Variants in LYPD6 observed in about 807,000 individuals in gnomAD.
LYPD6 encodes LY6/PLAUR domain containing 6, also known as ly6/PLAUR domain-containing protein 6.
LYPD6 carries 15 observed loss-of-function variants against 22.7 expected under a neutral mutation model. That is an observed-to-expected ratio of 0.66 (90% confidence interval 0.44 to 1.02). The LOEUF is 1.02. Ranked by LOEUF, LYPD6 falls within the 50% of genes least tolerant of loss-of-function variation. LYPD6 has a pLI of 0.00. For synonymous variants in LYPD6, 72 were observed against 77.5 expected, an observed-to-expected ratio of 0.93 and a Z score of 0.37; for missense variants, 189 against 208.4, an observed-to-expected ratio of 0.91 and a Z score of 0.57.
At chr2:149,398,413 TTGTGTGTG>T (rs10584410) in intron 1 of LYPD6, among the ~76,000 whole-genome samples, 1,560 of 147,816 alleles carry the variant, frequency 0.011, 19 homozygotes, top group African/African-American at 0.032. Context: ...AAAGATGGCT[TTGTGTGTG>T]TGTGTGTGTG....
At position 149,426,234 on chromosome 2, in the gene LYPD6, G is replaced by A. The variant is rs549439717; in HGVS notation, c.-71-11404G>A. ...CACACCTACCAGATTAGTAATTACA[G>A]CTCTTTCTTGAACTTAAATTATTTC... is the stretch of plus-strand genomic sequence containing the variant. On this transcript the variant is annotated intron_variant, in intron 1 of 4. Transcript: ENST00000334166. Among the ~76,000 whole-genome samples, 24 of 152,278 alleles carry A rather than the reference G, an allele frequency of 1.6e-4. No individual in the cohort carries two copies. In the East Asian group the frequency reaches 4.6e-3, roughly 29 times the overall value.
At chr2:149,346,188 AG>A (rs1315822923) in intron 1 of LYPD6, among the ~76,000 whole-genome samples, 5 of 152,230 alleles carry the variant, frequency 3.3e-5, no homozygotes, top group Non-Finnish European at 5.9e-5. Context: ...TTTTAAAAAC[AG>A]TTAAAAAATA....
chr2:149,363,060 C>G (rs1681600254), intron 1 of LYPD6, among the ~76,000 whole-genome samples: 1 of 152,126 alleles, frequency 6.6e-6, no homozygotes, highest in Non-Finnish European at 1.5e-5. Context: ...GTCAGAGAGA[C>G]CGTCCTGCTA....
intron 1 of LYPD6, among the ~76,000 whole-genome samples, chr2:149,332,882 A>C (rs1192194037): frequency 6.6e-6 from 1 of 152,226 alleles, no homozygotes; most frequent in East Asian, 1.9e-4. Context: ...TTTCAAAGAG[A>C]TACGTTATTT....
chr2:149,411,940 C>CT (rs56741012), intron 1 of LYPD6, among the ~76,000 whole-genome samples: 3 of 152,206 alleles, frequency 2.0e-5, no homozygotes, highest in South Asian at 2.1e-4. Context: ...TTGTTTGCAT[C>CT]TTTTTTTCTC....
intron 1 of LYPD6, among the ~76,000 whole-genome samples, chr2:149,385,297 A>T (rs978142271): frequency 6.6e-6 from 1 of 152,110 alleles, no homozygotes; most frequent in Admixed American, 6.6e-5. Flanking sequence ...TCTATTTAAC[A>T]TGTGGCATTC....
chr2:149,387,082 C>T (rs1407955074), intron 1 of LYPD6, among the ~76,000 whole-genome samples: 2 of 152,172 alleles, frequency 1.3e-5, no homozygotes, highest in Non-Finnish European at 2.9e-5. Flanking sequence ...TCTCAGTGCA[C>T]CCAGCAGGCC....
intron 1 of LYPD6, among the ~76,000 whole-genome samples, chr2:149,405,024 G>A (rs1176695130): frequency 6.6e-6 from 1 of 152,126 alleles, no homozygotes; most frequent in Non-Finnish European, 1.5e-5. Context: ...CTGTTTATAT[G>A]CTGGATTACA....
At chr2:149,476,308 G>C (rs1230151533), downstream of LYPD6, among the ~76,000 whole-genome samples, 1 of 152,084 alleles carries the variant, frequency 6.6e-6, no homozygotes, top group Admixed American at 6.6e-5. Flanking sequence ...AATGGAAACA[G>C]ATTTTTCATT....
intron 1 of LYPD6, among the ~76,000 whole-genome samples, chr2:149,410,406 A>G (rs113486987): frequency 9.7e-4 from 147 of 152,272 alleles, no homozygotes; most frequent in Non-Finnish European, 3.5e-4. Context: ...TATGGCATCA[A>G]GTACTTTTGA....
At chr2:149,439,795 G>A (rs1683516450) in intron 2 of LYPD6, 1 of 152,210 alleles carries the variant, frequency 6.6e-6, no homozygotes, top group South Asian at 2.1e-4. Flanking sequence ...TATGACCAAT[G>A]TTAATTAAGT....
intron 1 of LYPD6, among the ~76,000 whole-genome samples, chr2:149,382,339 G>A (rs973071306): frequency 6.6e-6 from 1 of 152,028 alleles, no homozygotes; most frequent in African/African-American, 2.4e-5. Context: ...AAGTAATATT[G>A]GGTTAAAATA....
intron 1 of LYPD6, among the ~76,000 whole-genome samples, chr2:149,373,869 T>C (rs1404801761): frequency 6.6e-6 from 1 of 152,248 alleles, no homozygotes; most frequent in Non-Finnish European, 1.5e-5. Flanking sequence ...TTAATTGGAA[T>C]CTAGTTTCTT....
chr2:149,354,286 C>T (rs1681411031), intron 1 of LYPD6, among the ~76,000 whole-genome samples: 1 of 152,166 alleles, frequency 6.6e-6, no homozygotes, highest in Non-Finnish European at 1.5e-5. Flanking sequence ...CAGCTCACGG[C>T]AACTTCTGTC....
intron 3 of LYPD6, among the ~76,000 whole-genome samples, chr2:149,457,488 T>G (rs993162680): frequency 2.6e-5 from 4 of 152,182 alleles, no homozygotes; most frequent in East Asian, 1.9e-4. Context: ...CTCAAGATTA[T>G]AATGTATAAT....
At position 149,384,494 on chromosome 2, in the gene LYPD6, G is replaced by A. The variant is rs367722924; in HGVS notation, c.-71-53144G>A. 2.0e-5 allele frequency among the ~76,000 whole-genome samples: 3 copies of A among 152,258 alleles called. No homozygotes were observed. In the East Asian group the frequency reaches 5.8e-4, roughly 29 times the overall value. On this transcript the variant is annotated intron_variant, in intron 1 of 4. Coordinates refer to ENST00000334166, the MANE Select transcript of LYPD6 (RefSeq NM_194317.5). ...TCTCCATCATCTGCTTTGTTCCTGG[G>A]CAAAGGCTCAGCACTGGCCCCAGTC...
chr2:149,414,245 A>T (rs1292720439), intron 1 of LYPD6, among the ~76,000 whole-genome samples: 1 of 152,170 alleles, frequency 6.6e-6, no homozygotes, highest in Non-Finnish European at 1.5e-5. Context: ...TTTTAAAGTG[A>T]TTTTATTAAA....
chr2:149,423,473 C>A (rs1464406514), intron 1 of LYPD6, among the ~76,000 whole-genome samples: 1 of 152,012 alleles, frequency 6.6e-6, no homozygotes, highest in Non-Finnish European at 1.5e-5. Flanking sequence ...GAGACGATTG[C>A]CTACTTTCTC....
intron 2 of LYPD6, among the ~76,000 whole-genome samples, chr2:149,444,806 A>C (rs1683649402): frequency 6.6e-6 from 1 of 152,196 alleles, no homozygotes; most frequent in Non-Finnish European, 1.5e-5. Flanking sequence ...CTCTGTTGAA[A>C]TCAAAGTCAT....
Sources: allele counts gnomAD v4.1 joint callset (sites outside exome capture counted in the v4.1 genomes callset), GRCh38; gene constraint gnomAD v4.1.1; transcripts MANE v1.5; gene names NCBI Gene and HGNC (gene_info 2026-07-23, HGNC 2026-07-21).